Variants in TMEM117 observed in about 807,000 individuals in gnomAD.
TMEM117 encodes transmembrane protein 117.
TMEM117 carries 27 observed loss-of-function variants against 52.4 expected under a neutral mutation model. The ratio of observed to expected loss-of-function variants is 0.51; its 90% CI spans 0.38 to 0.71. The LOEUF (loss-of-function observed/expected upper bound fraction) is 0.71, where lower values mean the gene tolerates loss of function less well. Among genes scored for constraint, TMEM117 ranks in the 30% least tolerant of loss-of-function variants. TMEM117 has a pLI of 0.00. For missense variants in TMEM117, 556 were observed against 630.5 expected (o/e 0.88, Z 1.26); for synonymous variants, 215 against 206.3 (o/e 1.04, Z -0.36).
chr12:44,273,074 A>G (rs889960793), intron 5 of TMEM117, among the ~76,000 whole-genome samples: 51 of 152,262 alleles, frequency 3.3e-4, no homozygotes, highest in Admixed American at 7.9e-4. Context: ...CTTTGTAGGG[A>G]CATGGATGAA....
intron 3 of TMEM117, among the ~76,000 whole-genome samples, chr12:44,086,210 A>G (rs1372644085): frequency 1.4e-5 from 2 of 146,380 alleles, no homozygotes; most frequent in Admixed American, 1.3e-4. Context: ...TGTTGCTTCC[A>G]AGTCTTTTTT....
chr12:44,100,643 A>G (rs975190356), intron 3 of TMEM117, among the ~76,000 whole-genome samples: 6 of 152,022 alleles, frequency 3.9e-5, no homozygotes, highest in African/African-American at 1.4e-4. Context: ...TCTGCCTCTT[A>G]AATTTTCCTC....
intron 3 of TMEM117, among the ~76,000 whole-genome samples, chr12:44,027,129 TTTATATTTTATTTTA>T (rs1565797813): frequency 3.7e-5 from 5 of 135,962 alleles, no homozygotes; most frequent in African/African-American, 1.4e-4. Flanking sequence ...ATTATTTTAT[TTTATATTTTATTTTA>T]TTTTATTTTA....
chr12:44,083,460 A>T (rs1054108912), intron 3 of TMEM117: 1 of 132,452 alleles, frequency 7.5e-6, no homozygotes, highest in Non-Finnish European at 1.5e-5. Context: ...GGAGTGCAGT[A>T]GTGGGATCTT....
chr12:44,083,389 GTTTTTT>G (rs1160025038), intron 3 of TMEM117, among the ~76,000 whole-genome samples: 3 of 80,398 alleles, frequency 3.7e-5, no homozygotes, highest in Non-Finnish European at 7.1e-5. Context: ...GGTATTGTTA[GTTTTTT>G]TTTTTTTTTT....
intron 2 of TMEM117, among the ~76,000 whole-genome samples, chr12:43,905,638 G>C (rs527841887): frequency 6.6e-6 from 1 of 152,300 alleles, no homozygotes; most frequent in South Asian, 2.1e-4. Context: ...AACCTAAAGT[G>C]TTCAGATTAG....
chr12:43,931,360 A>G (rs1204640111), intron 2 of TMEM117, among the ~76,000 whole-genome samples: 1 of 152,212 alleles, frequency 6.6e-6, no homozygotes, highest in Non-Finnish European at 1.5e-5. Flanking sequence ...AATATCCTGC[A>G]CCCAATAAAG....
At chr12:43,853,464 C>T (rs1447319845) in intron 2 of TMEM117, among the ~76,000 whole-genome samples, 3 of 152,038 alleles carry the variant, frequency 2.0e-5, no homozygotes, top group Non-Finnish European at 4.4e-5. Flanking sequence ...ATAGTAGAGA[C>T]AGGGTATCAC....
At chr12:44,251,020 A>G (rs1421142895) in intron 5 of TMEM117, among the ~76,000 whole-genome samples, 1 of 152,114 alleles carries the variant, frequency 6.6e-6, no homozygotes, top group Non-Finnish European at 1.5e-5. Flanking sequence ...AAAAATAAAA[A>G]TAAAGATTTT....
chr12:44,161,375 A>G (rs953844567), intron 4 of TMEM117, among the ~76,000 whole-genome samples: 2 of 152,130 alleles, frequency 1.3e-5, no homozygotes, highest in Non-Finnish European at 2.9e-5. Context: ...TAATTTCCTT[A>G]TTGGTAAAGT....
chr12:44,185,644 T>A (rs965960544), intron 4 of TMEM117, among the ~76,000 whole-genome samples: 3 of 152,188 alleles, frequency 2.0e-5, no homozygotes, highest in African/African-American at 7.2e-5. Flanking sequence ...GGTAAAATTA[T>A]TCCTAGTTTT....
intron 6 of TMEM117, among the ~76,000 whole-genome samples, chr12:44,345,748 GGTT>G (rs1951477926): frequency 6.6e-6 from 1 of 151,946 alleles, no homozygotes; most frequent in Non-Finnish European, 1.5e-5. Context: ...CTTATTTCCT[GGTT>G]GTTATTGTTA....
At chr12:44,191,416 A>G (rs1326028372) in intron 4 of TMEM117, among the ~76,000 whole-genome samples, 2 of 152,054 alleles carry the variant, frequency 1.3e-5, no homozygotes, top group South Asian at 2.1e-4. Context: ...TTATCTATCT[A>G]TAAACTATAT....
At chr12:44,008,454 T>G (rs1422678436) in intron 3 of TMEM117, among the ~76,000 whole-genome samples, 3 of 152,236 alleles carry the variant, frequency 2.0e-5, no homozygotes, top group Admixed American at 1.3e-4. Context: ...AGTCTTGTGC[T>G]AGGCACTGAA....
the TMEM117 span, among the ~76,000 whole-genome samples, chr12:43,810,502 A>G: frequency 6.6e-6 from 1 of 152,152 alleles, no homozygotes. Context: ...GACTTTCCAT[A>G]TTAGATAAAT....
intron 2 of TMEM117, among the ~76,000 whole-genome samples, chr12:43,888,974 T>C (rs1944051118): frequency 6.6e-6 from 1 of 152,156 alleles, no homozygotes; most frequent in Non-Finnish European, 1.5e-5. Context: ...CCCAACCTTT[T>C]TGGCACCGGG....
At chr12:44,123,406 T>G (rs1948269914) in intron 3 of TMEM117, among the ~76,000 whole-genome samples, 1 of 152,242 alleles carries the variant, frequency 6.6e-6, no homozygotes, top group African/African-American at 2.4e-5. Flanking sequence ...TTAGTTTAAT[T>G]AGATCCCATT....
intron 6 of TMEM117, among the ~76,000 whole-genome samples, chr12:44,372,698 A>G (rs980753314): frequency 1.3e-5 from 2 of 152,216 alleles, no homozygotes; most frequent in African/African-American, 4.8e-5. Flanking sequence ...TAGAAAACAT[A>G]GAGCAGGTAA....
At chr12:44,172,529 G>C (rs1209311438) in intron 4 of TMEM117, among the ~76,000 whole-genome samples, 1 of 152,096 alleles carries the variant, frequency 6.6e-6, no homozygotes, top group Non-Finnish European at 1.5e-5. Flanking sequence ...TGGATTAAGG[G>C]CTCACCTATT....
Sources: gnomAD v4.1 joint callset for allele counts (sites outside exome capture counted in the v4.1 genomes callset) on GRCh38, gnomAD v4.1.1 for gene constraint, MANE v1.5 for transcripts, NCBI Gene and HGNC (gene_info 2026-07-23, HGNC 2026-07-21) for gene names.